The following MAPK8IP1 variants were observed in gnomAD, a reference collection of about 807,000 sequenced individuals.
MAPK8IP1 encodes the protein C-Jun-amino-terminal kinase-interacting protein 1.
A neutral mutation model predicts 72.6 loss-of-function variants in MAPK8IP1; 17 were observed. The observed-to-expected ratio is 0.23, with a 90% CI of 0.16 to 0.35. The LOEUF (loss-of-function observed/expected upper bound fraction) is 0.35. Among genes scored for constraint, MAPK8IP1 ranks in the 10% least tolerant of loss-of-function variants. The pLI is 1.00. For missense variants in MAPK8IP1, 789 were observed against 1,009.7 expected, an observed-to-expected ratio of 0.78 and a Z score of 2.96; for synonymous variants, 401 against 443.4, an observed-to-expected ratio of 0.90 and a Z score of 1.20.
chr11:45,889,470 A>G (rs2086550369), intron 1 of MAPK8IP1, among the ~76,000 whole-genome samples: 1 of 152,260 alleles, frequency 6.6e-6, no homozygotes, highest in Admixed American at 6.5e-5. Flanking sequence ...AGAAAACTCT[A>G]GAAAAGAGAA....
chr11:45,902,287 C>G lies in MAPK8IP1; in HGVS notation c.605-85C>G. On this transcript the variant is annotated intron_variant, in intron 4 of 11. Transcript: ENST00000241014. This position sits in a 1 kb window ranked among gnomAD's most constrained non-coding sequence, Gnocchi z 9.3. ...GCCCAGGGAGGCTTTGTCTTGGTTT[C>G]TGTGTCACCAAGCTGAGAGTGGCAG... The G allele has an allele frequency of 1.6e-6, 2 of 1,266,074 alleles. No individual in the cohort carries two copies. Among genetic ancestry groups the G allele is most frequent in the Non-Finnish European group, 2.3e-6 (2 of 886,942 alleles). The allele number at this position is 1,266,074 out of a possible 1,614,324, so 78.4% of individuals were successfully genotyped here. A position where few individuals can be genotyped will look rare whatever the true frequency, so the allele number is the denominator to read the frequency against.
chr11:45,892,515 A>C (rs972395933), intron 1 of MAPK8IP1, among the ~76,000 whole-genome samples: 5 of 152,158 alleles, frequency 3.3e-5, no homozygotes, highest in African/African-American at 1.2e-4. Flanking sequence ...CCAAAGGTAA[A>C]ATTACAGTGA....
At chr11:45,897,882 T>G (rs983965655) in intron 1 of MAPK8IP1, among the ~76,000 whole-genome samples, 9 of 152,134 alleles carry the variant, frequency 5.9e-5, no homozygotes, top group Non-Finnish European at 1.2e-4. Flanking sequence ...ACTGCCACCC[T>G]AGGAGGACTG....
At chr11:45,901,865 C>G (rs776437513) in intron 3 of MAPK8IP1, 115 bp from the exon 4 acceptor site, 5 of 815,850 alleles carry the variant, frequency 6.1e-6, no homozygotes, top group Admixed American at 1.7e-5. Context: ...ACAGTGGAGG[C>G]GGGGTGGACA....
In MAPK8IP1 at chr11:45,900,355, A is replaced by G; in HGVS notation, c.425A>G (p.Gln142Arg). Reference protein sequence around the residue: ...GQEPASRGQGQSQGQSQGPGS... With the variant: ...GQEPASRGQGRSQGQSQGPGS... ...GAGCCGGCGTCCCGCGGCCAGGGCC[A>G]GAGCCAAGGCCAGAGCCAGGGCCCG... is the stretch of plus-strand genomic sequence containing the variant. The change falls in exon 3 of 12, where the codon CAG (glutamine) becomes CGG (arginine). Residue 142 changes from glutamine to arginine, a missense_variant. Physicochemically the swap from Gln to Arg is conservative, Grantham distance 43 (BLOSUM62 1). Around this residue, in one of 4 missense-constraint regions of MAPK8IP1, gnomAD observed 112 missense variants for 192.8 expected, o/e 0.58. Transcript: ENST00000241014. The surrounding 1 kb of genome is among the most constrained non-coding windows in gnomAD (Gnocchi z 6.5). 4.7e-6 allele frequency: 7 copies of G among 1,501,878 alleles called. No individual in the cohort carries two copies. Among genetic ancestry groups the G allele is most frequent in the Non-Finnish European group, 6.2e-6 (7 of 1,131,878 alleles). 93.0% of individuals were successfully genotyped at this position (1,501,878 alleles called of 1,614,324 possible). A position where few individuals can be genotyped will look rare whatever the true frequency, so the allele number is the denominator to read the frequency against.
intron 1 of MAPK8IP1, among the ~76,000 whole-genome samples, chr11:45,896,136 T>A (rs539564499): frequency 6.6e-6 from 1 of 152,306 alleles, no homozygotes; most frequent in South Asian, 2.1e-4. Context: ...CCAGCTCTGC[T>A]CTAAGGGCCC....
At chr11:45,889,170 T>A (rs2086548556) in intron 1 of MAPK8IP1, among the ~76,000 whole-genome samples, 1 of 152,352 alleles carries the variant, frequency 6.6e-6, no homozygotes, top group South Asian at 2.1e-4. Flanking sequence ...TTATATATCT[T>A]ATACATATAG....
chr11:45,895,246 G>A (rs1221208502), intron 1 of MAPK8IP1, among the ~76,000 whole-genome samples: 2 of 152,164 alleles, frequency 1.3e-5, no homozygotes, highest in Non-Finnish European at 2.9e-5. Flanking sequence ...AGGCCAGTGG[G>A]GACATCTGGG....
chr11:45,905,401 G>A (rs2086699572), intron 11 of MAPK8IP1, 152 bp downstream of exon 11: 4 of 828,486 alleles, frequency 4.8e-6, no homozygotes, highest in Middle Eastern at 3.2e-4. Flanking sequence ...CCTGGAGGGA[G>A]GGTGGCGCGG....
chr11:45,885,849 G>C lies in MAPK8IP1; in HGVS notation c.29G>C (p.Gly10Ala), dbSNP rs1445709294. 2 of 1,449,054 alleles carry C rather than the reference G, an allele frequency of 1.4e-6. No homozygotes were observed. The highest frequency in any genetic ancestry group is 3.0e-5 in the East Asian group (1 of 33,114). The allele number at this position is 1,449,054 out of a possible 1,614,324, so 89.8% of individuals were successfully genotyped here. A position where few individuals can be genotyped will look rare whatever the true frequency, so the allele number is the denominator to read the frequency against. ...GCGGAGCGAGAAAGCGGCGGCCTGG[G>C]AGGGGGGGCCGCGTCCCCGCCCGCC... is the stretch of plus-strand genomic sequence containing the variant. MAERESGGL[G>A]GGAASPPAAS... The change falls in exon 1 of 12, where the codon GGA becomes GCA. Residue 10 changes from glycine (G) to alanine (A), a missense_variant. By Grantham distance (60) the Gly-to-Ala change is moderately conservative. Coordinates refer to ENST00000241014, the MANE Select transcript of MAPK8IP1 (RefSeq NM_005456.4).
In MAPK8IP1 at chr11:45,903,247, G is replaced by A. The variant is rs1018211295; in HGVS notation, c.1417+63G>A. On this transcript the variant is annotated intron_variant, in intron 5 of 11. Transcript: ENST00000241014. This position sits in a 1 kb window ranked among gnomAD's most constrained non-coding sequence, Gnocchi z 6.4. Reference sequence around the variant, plus strand: ...CCTAGCGGGGGCAGAGCCAAAATGCGAAGTGTTCTGGGAGGCGACCCCAGG... The same window carrying A: ...CCTAGCGGGGGCAGAGCCAAAATGCAAAGTGTTCTGGGAGGCGACCCCAGG... 51 of 1,584,186 alleles carry A rather than the reference G, an allele frequency of 3.2e-5. No homozygotes were observed. The highest frequency in any genetic ancestry group is 2.9e-4 in the East Asian group (13 of 44,422).
chr11:45,905,385 G>T, intron 11 of MAPK8IP1, 136 bp downstream of exon 11: 2 of 902,930 alleles, frequency 2.2e-6, no homozygotes, highest in East Asian at 2.6e-5. Flanking sequence ...ACCCCAGTGC[G>T]GGTGGCCTGG....
At position 45,904,017 on chromosome 11, in the gene MAPK8IP1, G is replaced by A; in HGVS notation, c.1522G>A (p.Glu508Lys). The A allele has an allele frequency of 1.2e-6, 2 of 1,613,810 alleles. No individual in the cohort carries two copies. The highest frequency in any genetic ancestry group is 1.7e-5 in the Admixed American group (1 of 60,026). ...TGTGCCTCGACACGAAGACGAACTT[G>A]AGCTGGAAGTGGATGACCCTCTGCT... The part of the protein sequence containing the change: ...RFVPRHEDEL[E>K]LEVDDPLLVE... Residue 508 changes from glutamate to lysine, a missense_variant, in exon 7 of 12, where the codon GAG becomes AAG. Transcript: ENST00000241014. This position sits in a 1 kb window ranked among gnomAD's most constrained non-coding sequence, Gnocchi z 6.4.
intron 1 of MAPK8IP1, chr11:45,896,815 C>G (rs758265717): frequency 9.7e-6 from 15 of 1,545,304 alleles, no homozygotes; most frequent in Middle Eastern, 2.3e-4. Context: ...CTGGCCCCCC[C>G]ACCCTTCCGG....
intron 2 of MAPK8IP1, among the ~76,000 whole-genome samples, chr11:45,899,823 C>G (rs1423199433): frequency 6.6e-6 from 1 of 152,216 alleles, no homozygotes; most frequent in Non-Finnish European, 1.5e-5. Flanking sequence ...ACAGCGGTGA[C>G]TTCACTCTGG....
In MAPK8IP1 at chr11:45,901,865, C is replaced by T. The variant is rs776437513; in HGVS notation, c.523-115C>T. The stretch of plus-strand genomic sequence containing the variant: ...CGAGTGAGGCCTTTGACAGTGGAGG[C>T]GGGGTGGACACAGCAAATGGCCCTA... On this transcript the variant is annotated intron_variant, in intron 3 of 11. Coordinates refer to ENST00000241014, the MANE Select transcript of MAPK8IP1 (RefSeq NM_005456.4). The T allele has an allele frequency of 1.2e-3, 1,016 of 815,844 alleles. 2 individuals are homozygous for T. The highest frequency in any genetic ancestry group is 1.8e-3 in the Non-Finnish European group (794 of 453,092). 50.5% of individuals were successfully genotyped at this position (815,844 alleles called of 1,614,324 possible).
chr11:45,893,285 AC>A (rs903284143), intron 1 of MAPK8IP1, among the ~76,000 whole-genome samples: 4 of 148,050 alleles, frequency 2.7e-5, no homozygotes, highest in Middle Eastern at 3.2e-3. Flanking sequence ...TGGAAATGTG[AC>A]CCAGCAAGGC....
rs541475022 is a variant in MAPK8IP1, at chr11:45,889,914, G to A, written c.101+3993G>A. On this transcript the variant is annotated intron_variant, in intron 1 of 11. Coordinates refer to ENST00000241014, the MANE Select transcript of MAPK8IP1 (RefSeq NM_005456.4). ...AGGGAAACACTGCAAAGGCCCAGAC[G>A]TGGGCCTGGCCATCATGCTATTGGT... Among the ~76,000 whole-genome samples, 4 of 152,280 alleles carry A rather than the reference G, an allele frequency of 2.6e-5. No homozygotes were observed. The East Asian group carries it at 7.7e-4, about 29-fold the overall frequency.
intron 1 of MAPK8IP1, chr11:45,896,601 AAG>A: frequency 7.6e-7 from 1 of 1,316,182 alleles, no homozygotes; most frequent in Non-Finnish European, 9.7e-7. Context: ...GCAGCAGCGC[AAG>A]GGCCAGGCCA....
Sources: allele counts gnomAD v4.1 joint callset (sites outside exome capture counted in the v4.1 genomes callset), GRCh38; gene constraint gnomAD v4.1.1; regional missense constraint gnomAD v4.1.1; non-coding constraint Gnocchi (gnomAD v3.1); transcripts MANE v1.5; gene names NCBI Gene and HGNC (gene_info 2026-07-23, HGNC 2026-07-21).